ZZEF1: variants seen among roughly 807,000 people sequenced by gnomAD.
ZZEF1 encodes the protein zinc finger ZZ-type and EF-hand domain containing 1.
Under a neutral mutation model 342.8 loss-of-function variants are expected in ZZEF1, and 157 were observed. The observed-to-expected ratio is 0.46, with a 90% CI of 0.40 to 0.52. The LOEUF (loss-of-function observed/expected upper bound fraction) is 0.52. ZZEF1 is among the 20% of genes least tolerant of loss of function. ZZEF1 has a pLI of 0.00. For synonymous variants in ZZEF1, 1,505 were observed against 1,429.1 expected, an observed-to-expected ratio of 1.05 and a Z score of -1.20; for missense variants, 3,480 against 3,725.6, an observed-to-expected ratio of 0.93 and a Z score of 1.72.
chr17:4,086,788 G>C (rs2057838397), intron 14 of ZZEF1, 133 bp from the exon 15 acceptor site: 1 of 804,940 alleles, frequency 1.2e-6, no homozygotes, highest in Admixed American at 2.7e-5. Flanking sequence ...GATGCAAACT[G>C]AGAGGAAGAA....
chr17:4,117,775 G>A (rs77367817), intron 2 of ZZEF1, among the ~76,000 whole-genome samples: 11,176 of 151,756 alleles, frequency 0.074, 505 homozygotes, highest in South Asian at 0.14. Flanking sequence ...ACTAATAGAC[G>A]TTTTTAAGGA....
chr17:4,094,808 ACTGCTG>A (rs1020772712), intron 11 of ZZEF1, among the ~76,000 whole-genome samples: 37 of 152,140 alleles, frequency 2.4e-4, no homozygotes, highest in African/African-American at 7.5e-4. Context: ...ACATCTCTGC[ACTGCTG>A]CTGCTGCTCT....
chr17:4,060,605 CA>C (rs912161797), intron 30 of ZZEF1, among the ~76,000 whole-genome samples: 5 of 151,760 alleles, frequency 3.3e-5, no homozygotes, highest in Admixed American at 2.0e-4. Flanking sequence ...AAAAAACACT[CA>C]ACCCCCCACC....
chr17:4,061,918 G>T (rs1329152221), intron 30 of ZZEF1, among the ~76,000 whole-genome samples: 1 of 152,106 alleles, frequency 6.6e-6, no homozygotes, highest in Non-Finnish European at 1.5e-5. Context: ...AGCAGCCAGG[G>T]GCACCTCTTA....
chr17:4,074,362 ACAGAAAT>A lies in ZZEF1; in HGVS notation c.3484-18_3484-12del. On this transcript the variant is annotated splice_polypyrimidine_tract_variant and intron_variant, in intron 23 of 54. Coordinates refer to ENST00000381638, the MANE Select transcript of ZZEF1 (RefSeq NM_015113.4). ...CTTGAAGGTCACTTTCTAGAGACAAACAGAAATCATGTGGTCAGACAGATTAGAGGAG... is the reference window on the plus strand; with the variant it reads ...CTTGAAGGTCACTTTCTAGAGACAAACATGTGGTCAGACAGATTAGAGGAG... 1 of 1,614,120 alleles carries A rather than the reference ACAGAAAT, an allele frequency of 6.2e-7. No individual in the cohort carries two copies. Among genetic ancestry groups the A allele is most frequent in the Non-Finnish European group, 8.5e-7 (1 of 1,180,002 alleles).
Position 4,134,352 on chromosome 17 carries a change from T to TTATATATATTTA in ZZEF1, c.354+8189_354+8190insTAAATATATATA, listed in dbSNP as rs201657847. Among the ~76,000 whole-genome samples, 87 of 144,960 alleles carry TTATATATATTTA rather than the reference T, an allele frequency of 6.0e-4. No homozygotes were observed. In the Middle Eastern group the frequency reaches 0.018, roughly 30 times the overall value. Reference sequence around the variant, plus strand: ...AAAATATATATATATTTATATATATTTATATATATATATTTATATAATATA... The same window carrying TTATATATATTTA: ...AAAATATATATATATTTATATATATTTATATATATTTATATATATATATATTTATATAATATA... On this transcript the variant is annotated intron_variant, in intron 1 of 54. Transcript: ENST00000381638.
chr17:4,086,299 GGGGGATTCCCACAGCGGCAA>G (rs1362152471), intron 15 of ZZEF1, among the ~76,000 whole-genome samples, 167 bp downstream of exon 15: 34 of 14,996 alleles, frequency 2.3e-3, no homozygotes, highest in African/African-American at 6.5e-3. Flanking sequence ...ATCCCTTTCT[GGGGGATTCCCACAGCGGCAA>G]TCCCTTTCTG....
At chr17:4,066,951 G>C (rs1014976073) in intron 27 of ZZEF1, among the ~76,000 whole-genome samples, 3 of 152,058 alleles carry the variant, frequency 2.0e-5, no homozygotes, top group Admixed American at 2.0e-4. Context: ...ATGTAAAGAG[G>C]GGTCAACTAA....
intron 9 of ZZEF1, among the ~76,000 whole-genome samples, chr17:4,101,833 T>C (rs1223371200): frequency 6.6e-6 from 1 of 152,146 alleles, no homozygotes; most frequent in Admixed American, 6.5e-5. Flanking sequence ...TTTCACCATG[T>C]TGGCCAGGCT....
intron 30 of ZZEF1, among the ~76,000 whole-genome samples, chr17:4,060,486 C>A (rs2057260638): frequency 6.6e-6 from 1 of 151,970 alleles, no homozygotes; most frequent in Admixed American, 6.6e-5. Flanking sequence ...GAGACGGAGG[C>A]CGCAGTGAGC....
intron 34 of ZZEF1, among the ~76,000 whole-genome samples, chr17:4,052,712 C>T (rs1287395622): frequency 6.6e-6 from 1 of 152,158 alleles, no homozygotes; most frequent in Non-Finnish European, 1.5e-5. Flanking sequence ...ATTGAAAATA[C>T]AAAAATTAGC....
rs1216206733 is a variant in ZZEF1, at chr17:4,008,714, A to G, written c.8805+169T>C. ...TGACTCTGATAAATGGGGCTCGTGC[A>G]TGCTCTCTGAGCACCAGGAGGAAGT... On this transcript the variant is annotated intron_variant, in intron 54 of 54. Transcript: ENST00000381638. The surrounding 1 kb of genome is among the most constrained non-coding windows in gnomAD (Gnocchi z 4.2). 16 of 1,399,580 alleles carry G rather than the reference A, an allele frequency of 1.1e-5. No homozygotes were observed. The highest frequency in any genetic ancestry group is 1.4e-5 in the Non-Finnish European group (15 of 1,076,698). The allele number at this position is 1,399,580 out of a possible 1,614,324, so 86.7% of individuals were successfully genotyped here.
chr17:4,017,616 T>C lies in ZZEF1; in HGVS notation c.7756A>G (p.Lys2586Glu). ...QQSYAKQRRSKSAALLHKELN... is the reference protein window; with the variant it reads ...QQSYAKQRRSESAALLHKELN... Reference sequence around the variant, plus strand: ...TCCTTGTGCAGGAGGGCGGCGCTCTTGCTACGGCGCTGCTTGGCATAGCTC... The same window carrying C: ...TCCTTGTGCAGGAGGGCGGCGCTCTCGCTACGGCGCTGCTTGGCATAGCTC... The change falls in exon 48 of 55, where the codon AAG becomes GAG. Residue 2586 changes from lysine to glutamate, a missense_variant. By Grantham distance (56) the Lys-to-Glu change is moderately conservative. Around this residue, in one of 5 missense-constraint regions of ZZEF1, gnomAD observed 1,269 missense variants for 1,342.4 expected, o/e 0.95. Transcript: ENST00000381638. The surrounding 1 kb of genome is among the most constrained non-coding windows in gnomAD (Gnocchi z 5.1). 6.2e-7 allele frequency: 1 copy of C among 1,614,224 alleles called. No homozygotes were observed. Among genetic ancestry groups the C allele is most frequent in the Non-Finnish European group, 8.5e-7 (1 of 1,180,052 alleles).
At chr17:4,082,012 T>C (rs1184881309) in intron 17 of ZZEF1, among the ~76,000 whole-genome samples, 1 of 152,220 alleles carries the variant, frequency 6.6e-6, no homozygotes, top group Non-Finnish European at 1.5e-5. Flanking sequence ...ATGAAGCCTG[T>C]AGGCCCATTT....
intron 53 of ZZEF1, 73 bp downstream of exon 53, chr17:4,009,531 T>C (rs1203179264): frequency 6.3e-7 from 1 of 1,599,884 alleles, no homozygotes; most frequent in Non-Finnish European, 8.5e-7. Context: ...AGGCAGCAGC[T>C]TCTGCCCTGG....
intron 2 of ZZEF1, among the ~76,000 whole-genome samples, chr17:4,120,637 T>C (rs2058468072): frequency 6.6e-6 from 1 of 152,070 alleles, no homozygotes; most frequent in Non-Finnish European, 1.5e-5. Context: ...ACTGTTTTGC[T>C]CAAAACCTAT....
Position 4,052,107 on chromosome 17 carries a change from C to T in ZZEF1, c.5464G>A (p.Asp1822Asn), listed in dbSNP as rs763938434. 4.9e-5 allele frequency: 79 copies of T among 1,613,728 alleles called. No homozygotes were observed. Among genetic ancestry groups the T allele is most frequent in the Admixed American group, 1.2e-4 (7 of 59,970 alleles). ...AACTCCATGTTGACCATTTCATGGT[C>T]GTCTCCGTGGCCCTCAGGCTTCACC... is the stretch of plus-strand genomic sequence containing the variant. Reference protein sequence around the residue: ...GGVKPEGHGDDHEMVNMEFTC... With the variant: ...GGVKPEGHGDNHEMVNMEFTC... The change falls in exon 35 of 55, where the codon GAC (aspartate) becomes AAC (asparagine). Residue 1822 changes from aspartate to asparagine, a missense_variant. Asp to Asn is a conservative substitution (Grantham distance 23). Around this residue, in one of 5 missense-constraint regions of ZZEF1, gnomAD observed 175 missense variants for 254.6 expected, o/e 0.69. Coordinates refer to ENST00000381638, the MANE Select transcript of ZZEF1 (RefSeq NM_015113.4).
chr17:4,032,631 A>C (rs1164413453), intron 41 of ZZEF1, among the ~76,000 whole-genome samples, 197 bp downstream of exon 41: 1 of 152,264 alleles, frequency 6.6e-6, no homozygotes, highest in Non-Finnish European at 1.5e-5. Flanking sequence ...CAAATGTTTA[A>C]CCGTTAAAAA....
intron 39 of ZZEF1, among the ~76,000 whole-genome samples, chr17:4,034,996 C>T (rs2056629822): frequency 6.6e-6 from 1 of 152,122 alleles, no homozygotes; most frequent in African/African-American, 2.4e-5. Flanking sequence ...GAGACTCCGT[C>T]TCAAAAAACA....
Sources: allele counts gnomAD v4.1 joint callset (sites outside exome capture counted in the v4.1 genomes callset), GRCh38; gene constraint gnomAD v4.1.1; regional missense constraint gnomAD v4.1.1; non-coding constraint Gnocchi (gnomAD v3.1); transcripts MANE v1.5; gene names NCBI Gene and HGNC (gene_info 2026-07-23, HGNC 2026-07-21).